The following ATP10A variants were observed in gnomAD, a reference collection of about 807,000 sequenced individuals.
The protein encoded by ATP10A is ATPase phospholipid transporting 10A (putative), also known as phospholipid-transporting ATPase VA.
A neutral mutation model predicts 147.8 loss-of-function variants in ATP10A; 111 were observed. The ratio of observed to expected loss-of-function variants is 0.75; its 90% CI spans 0.64 to 0.88. The LOEUF is 0.88. ATP10A is among the 40% of genes least tolerant of loss of function. The pLI, the probability that ATP10A is intolerant of heterozygous loss-of-function variation, is 0.00. For synonymous variants in ATP10A, 875 were observed against 841.6 expected (o/e 1.04, Z -0.69); for missense variants, 1,927 against 1,959.0 (o/e 0.98, Z 0.31).
intron 16 of ATP10A, among the ~76,000 whole-genome samples, chr15:25,684,313 T>C (rs1899595026): frequency 6.6e-6 from 1 of 152,214 alleles, no homozygotes; most frequent in African/African-American, 2.4e-5. Flanking sequence ...TTGCAAAGCA[T>C]TCTAACACTC....
At chr15:25,767,730 T>TA (rs1354880398) in intron 2 of ATP10A, among the ~76,000 whole-genome samples, 18 of 152,200 alleles carry the variant, frequency 1.2e-4, no homozygotes, top group Admixed American at 1.2e-3. Context: ...ACTAAGAGGC[T>TA]AAAAACTAAT....
rs552043225 is a variant in ATP10A at position 25,854,070 on chromosome 15, C to A, written c.449+8578G>T. On this transcript the variant is annotated intron_variant, in intron 1 of 20. Transcript: ENST00000555815. ...TAAATTATATTTAAATCCACAAATT[C>A]ATAATAATATATTTTTTAGAAAAGT... Among the ~76,000 whole-genome samples, 16 of 152,032 alleles carry A rather than the reference C, an allele frequency of 1.1e-4. No individual in the cohort carries two copies. The East Asian group carries it at 3.1e-3, about 29-fold the overall frequency.
At chr15:25,808,541 C>T (rs1003434628) in intron 1 of ATP10A, among the ~76,000 whole-genome samples, 11 of 152,336 alleles carry the variant, frequency 7.2e-5, no homozygotes, top group Admixed American at 2.0e-4. Context: ...TGCGCCACCA[C>T]GCCTGGCTAA....
chr15:25,860,282 C>A (rs553342270), intron 1 of ATP10A, among the ~76,000 whole-genome samples: 49 of 152,252 alleles, frequency 3.2e-4, no homozygotes, highest in African/African-American at 1.1e-3. Flanking sequence ...TTTTCCTGAT[C>A]CTCACACCAC....
intron 1 of ATP10A, among the ~76,000 whole-genome samples, chr15:25,847,402 G>T (rs554664306): frequency 4.4e-4 from 67 of 152,154 alleles, no homozygotes; most frequent in African/African-American, 1.5e-3. Flanking sequence ...AGCTAAGAAT[G>T]GTACCATACA....
chr15:25,760,414 T>C (rs1888698528), intron 2 of ATP10A, among the ~76,000 whole-genome samples: 1 of 152,214 alleles, frequency 6.6e-6, no homozygotes, highest in African/African-American at 2.4e-5. Flanking sequence ...ATAACCAAAT[T>C]TCCTTGTCAA....
At position 25,843,729 on chromosome 15, in the gene ATP10A, G is replaced by A. The variant is rs1159261498; in HGVS notation, c.449+18919C>T. Among the ~76,000 whole-genome samples, 5 of 152,218 alleles carry A rather than the reference G, an allele frequency of 3.3e-5. No individual in the cohort carries two copies. In the South Asian group the frequency reaches 6.2e-4, roughly 19 times the overall value. The stretch of plus-strand genomic sequence containing the variant: ...GTCCCCTGTAGAAAGACAGACGCAC[G>A]GCTGCCACAGGGAAACTCCCATCTG... On this transcript the variant is annotated intron_variant, in intron 1 of 20. Transcript: ENST00000555815.
intron 1 of ATP10A, among the ~76,000 whole-genome samples, chr15:25,831,975 C>A (rs548314608): frequency 4.5e-4 from 69 of 152,258 alleles, no homozygotes; most frequent in African/African-American, 1.5e-3. Context: ...ACGATCCTTG[C>A]AGATATAGTT....
At chr15:25,720,498 T>C (rs940531791) in intron 7 of ATP10A, among the ~76,000 whole-genome samples, 10 of 152,106 alleles carry the variant, frequency 6.6e-5, no homozygotes, top group Admixed American at 5.2e-4. Flanking sequence ...AGGACTCTGC[T>C]GAGTTCTGTT....
intron 2 of ATP10A, among the ~76,000 whole-genome samples, chr15:25,757,363 C>T (rs1339907661): frequency 1.3e-5 from 2 of 151,826 alleles, no homozygotes; most frequent in African/African-American, 2.4e-5. Flanking sequence ...GGTTAAAATT[C>T]TAATTAATAT....
At chr15:25,675,896 T>C (rs1376026071), downstream of ATP10A, among the ~76,000 whole-genome samples, 1 of 150,652 alleles carries the variant, frequency 6.6e-6, no homozygotes, top group African/African-American at 2.4e-5. Context: ...CAGTGAGCTG[T>C]GATCACACCC....
At chr15:25,812,558 A>T (rs1891479137) in intron 1 of ATP10A, among the ~76,000 whole-genome samples, 1 of 152,236 alleles carries the variant, frequency 6.6e-6, no homozygotes, top group Non-Finnish European at 1.5e-5. Context: ...ATGATATCAA[A>T]GCCCTTTAAT....
At chr15:25,687,925 A>G (rs747135291) in intron 15 of ATP10A, 97 bp from the exon 16 acceptor site, 1 of 1,562,810 alleles carries the variant, frequency 6.4e-7, no homozygotes, top group Non-Finnish European at 8.8e-7. Flanking sequence ...AGGGAAGGAA[A>G]ATCCCCATTC....
At chr15:25,796,596 C>T (rs148566548) in intron 1 of ATP10A, among the ~76,000 whole-genome samples, 125 of 152,324 alleles carry the variant, frequency 8.2e-4, no homozygotes, top group African/African-American at 2.9e-3. Context: ...TGCTAGCCCA[C>T]CTCACAACGT....
At position 25,679,460 on chromosome 15, in the gene ATP10A, G is replaced by A. The variant is rs752668765; in HGVS notation, c.4381C>T (p.Gln1461Ter). Residue 1461 changes from glutamine to a stop codon, truncating the protein, a stop_gained, in exon 21 of 21, where the codon CAG becomes TAG. Coordinates refer to ENST00000555815, the MANE Select transcript of ATP10A (RefSeq NM_024490.4). LOFTEE classifies it high-confidence loss of function. ...CGTCCCGCTTGTCCATCTGCAAGCT[G>A]CTCCGTCCGGGAGAACTGTAAGACA... ...GSVLQFSRTE[Q>*]LADGQAGRGL... 1.2e-6 allele frequency: 2 copies of A among 1,613,906 alleles called. No individual in the cohort carries two copies. The highest frequency in any genetic ancestry group is 1.7e-6 in the Non-Finnish European group (2 of 1,179,988).
intron 2 of ATP10A, among the ~76,000 whole-genome samples, chr15:25,755,943 A>G (rs1048981536): frequency 6.6e-6 from 1 of 152,238 alleles, no homozygotes; most frequent in African/African-American, 2.4e-5. Flanking sequence ...TTAAACCACT[A>G]GAAACTTTTG....
chr15:25,786,832 T>G (rs1235878467), intron 1 of ATP10A, among the ~76,000 whole-genome samples: 1 of 149,338 alleles, frequency 6.7e-6, no homozygotes, highest in African/African-American at 2.5e-5. Flanking sequence ...AGACGGGGTT[T>G]CACCGTGTTA....
chr15:25,730,719 C>T (rs906522271), intron 3 of ATP10A, among the ~76,000 whole-genome samples: 2 of 152,022 alleles, frequency 1.3e-5, no homozygotes, highest in African/African-American at 4.8e-5. Context: ...ATTGGCAAAT[C>T]CTGGGCAGAA....
At chr15:25,777,096 C>CATGTGTGTGTGTGTGTGT (rs1555468162) in intron 2 of ATP10A, among the ~76,000 whole-genome samples, 1 of 149,698 alleles carries the variant, frequency 6.7e-6, no homozygotes, top group African/African-American at 2.5e-5. Flanking sequence ...TGCATACGTG[C>CATGTGTGTGTGTGTGTGT]GTGTGTGTGT....
Sources: allele counts gnomAD v4.1 joint callset (sites outside exome capture counted in the v4.1 genomes callset), GRCh38; gene constraint gnomAD v4.1.1; transcripts MANE v1.5; gene names NCBI Gene and HGNC (gene_info 2026-07-23, HGNC 2026-07-21).